Variants in SDCCAG8 observed in about 807,000 individuals in gnomAD.
SDCCAG8 encodes serologically defined colon cancer antigen 8.
In SDCCAG8, 74 loss-of-function variants were observed where a neutral mutation model predicts 101.8. The observed-to-expected ratio is 0.73, with a 90% CI of 0.60 to 0.88. SDCCAG8 has a LOEUF of 0.88. Ranked by LOEUF, SDCCAG8 falls within the 40% of genes least tolerant of loss-of-function variation. SDCCAG8 has a pLI of 0.00. For missense variants in SDCCAG8, 787 were observed against 822.6 expected (o/e 0.96, Z 0.53); for synonymous variants, 281 against 292.9 (o/e 0.96, Z 0.41).
intron 16 of SDCCAG8, among the ~76,000 whole-genome samples, chr1:243,464,148 G>A (rs746466713): frequency 3.7e-4 from 57 of 152,144 alleles, no homozygotes; most frequent in Non-Finnish European, 7.5e-4. Context: ...AGTGATTTTT[G>A]TAAATTAGAG....
intron 3 of SDCCAG8, among the ~76,000 whole-genome samples, chr1:243,271,624 C>T (rs1406091895): frequency 2.6e-5 from 4 of 151,964 alleles, no homozygotes. Context: ...CTCACTACAA[C>T]CTCTGCCTCC....
At chr1:243,317,920 AC>A (rs1321858677) in intron 9 of SDCCAG8, 1 of 393,766 alleles carries the variant, frequency 2.5e-6, no homozygotes, top group Non-Finnish European at 5.1e-6. Context: ...ACTGGTCTAA[AC>A]CATATATGAA....
chr1:243,270,223 G>A lies in SDCCAG8; in HGVS notation c.186G>A (p.Arg62=), dbSNP rs759227692. The change falls in exon 2 of 18, where the codon AGG becomes AGA. Residue 62 remains arginine, a synonymous_variant. Transcript: ENST00000366541. Reference sequence around the variant, plus strand: ...CCAGTGTGGGAAATGAGGACGCCAGGACAGCCTGGCCCGAATTACAACAGA... The same window carrying A: ...CCAGTGTGGGAAATGAGGACGCCAGAACAGCCTGGCCCGAATTACAACAGA... ...FSTSVGNEDA[R]TAWPELQQSH... The A allele has an allele frequency of 6.2e-6, 10 of 1,614,148 alleles. No individual in the cohort carries two copies. The highest frequency in any genetic ancestry group is 6.8e-6 in the Non-Finnish European group (8 of 1,180,020).
chr1:243,444,457 CA>C (rs1202250654), intron 16 of SDCCAG8, among the ~76,000 whole-genome samples: 1 of 151,558 alleles, frequency 6.6e-6, no homozygotes, highest in African/African-American at 2.4e-5. Context: ...CTGCAACCTT[CA>C]CCTCCCGGGT....
At chr1:243,314,209 G>A (rs532111503) in intron 8 of SDCCAG8, among the ~76,000 whole-genome samples, 1 of 152,346 alleles carries the variant, frequency 6.6e-6, no homozygotes, top group African/African-American at 2.4e-5. Flanking sequence ...CGTTGCATTT[G>A]CCTTACAGAA....
At chr1:243,317,772 C>T (rs1292563070) in intron 9 of SDCCAG8, among the ~76,000 whole-genome samples, 7 of 152,136 alleles carry the variant, frequency 4.6e-5, no homozygotes, top group South Asian at 4.1e-4. Context: ...GGGGCCACAC[C>T]GTAATCCGTT....
At chr1:243,326,756 A>G (rs2074178164) in intron 9 of SDCCAG8, among the ~76,000 whole-genome samples, 1 of 152,308 alleles carries the variant, frequency 6.6e-6, no homozygotes, top group Non-Finnish European at 1.5e-5. Context: ...CTTAGTTATG[A>G]ATTATTCTGT....
intron 13 of SDCCAG8, among the ~76,000 whole-genome samples, chr1:243,408,838 G>C (rs921805044): frequency 6.6e-6 from 1 of 152,204 alleles, no homozygotes; most frequent in African/African-American, 2.4e-5. Context: ...TGCATGTAAA[G>C]ACCTTAGCTT....
chr1:243,344,201 T>C lies in SDCCAG8; in HGVS notation c.1357-14T>C. 1 of 1,607,684 alleles carries C rather than the reference T, an allele frequency of 6.2e-7. No homozygotes were observed. The highest frequency in any genetic ancestry group is 8.5e-7 in the Non-Finnish European group (1 of 1,174,232). On this transcript the variant is annotated splice_polypyrimidine_tract_variant and intron_variant, in intron 11 of 17. Transcript: ENST00000366541. ...TTCCAGCAGGTAATCATCCAGTTTT[T>C]TACAATCTAACAGGTGTGTGGAGAA... is the stretch of plus-strand genomic sequence containing the variant.
At chr1:243,433,024 A>G (rs977984927) in intron 16 of SDCCAG8, among the ~76,000 whole-genome samples, 1 of 152,146 alleles carries the variant, frequency 6.6e-6, no homozygotes, top group Middle Eastern at 3.2e-3. Flanking sequence ...TGGGATACCA[A>G]GCACTGAGCA....
chr1:243,499,884 G>A lies in SDCCAG8; in HGVS notation c.*99G>A, dbSNP rs577274111. On this transcript the variant is annotated 3_prime_UTR_variant, in exon 18 of 18. Coordinates refer to ENST00000366541, the MANE Select transcript of SDCCAG8 (RefSeq NM_006642.5). The stretch of plus-strand genomic sequence containing the variant: ...CACAACGCACCACGACCTTCCCAGG[G>A]TGACACCGCCTCAGCCTGCAGTGGG... 8 of 1,161,148 alleles carry A rather than the reference G, an allele frequency of 6.9e-6. No individual in the cohort carries two copies. Among genetic ancestry groups the A allele is most frequent in the Non-Finnish European group, 1.0e-5 (8 of 786,170 alleles). 71.9% of individuals were successfully genotyped at this position (1,161,148 alleles called of 1,614,324 possible).
intron 17 of SDCCAG8, among the ~76,000 whole-genome samples, chr1:243,499,233 A>C (rs1211741340): frequency 6.6e-6 from 1 of 152,168 alleles, no homozygotes; most frequent in African/African-American, 2.4e-5. Flanking sequence ...CTTCCAACAC[A>C]TGTGAGGTTT....
intron 16 of SDCCAG8, among the ~76,000 whole-genome samples, chr1:243,476,999 T>TACACACACAC (rs531152514): frequency 4.5e-4 from 46 of 102,324 alleles, no homozygotes; most frequent in African/African-American, 1.4e-3. Context: ...ACTGGTTCTG[T>TACACACACAC]ACACACACAC....
At chr1:243,447,210 C>T (rs553897655) in intron 16 of SDCCAG8, among the ~76,000 whole-genome samples, 215 of 122,466 alleles carry the variant, frequency 1.8e-3, no homozygotes, top group Non-Finnish European at 2.8e-3. Context: ...GATCGCGCCA[C>T]GGCACTCCAG....
rs1382989150 is a variant in SDCCAG8 at position 243,458,979 on chromosome 1, T to G, written c.1986-30035T>G. On this transcript the variant is annotated intron_variant, in intron 16 of 17. Coordinates refer to ENST00000366541, the MANE Select transcript of SDCCAG8 (RefSeq NM_006642.5). This position sits in a 1 kb window ranked among gnomAD's most constrained non-coding sequence, Gnocchi z 4.5. ...ATGGAGAAAAATGTGGTGGAGATAGTAAAATATTACCAGTTTCAAATGTGT... is the reference window on the plus strand; with the variant it reads ...ATGGAGAAAAATGTGGTGGAGATAGGAAAATATTACCAGTTTCAAATGTGT... 6.6e-6 allele frequency among the ~76,000 whole-genome samples: 1 copy of G among 152,196 alleles called. No homozygotes were observed. Among genetic ancestry groups the G allele is most frequent in the Admixed American group, 6.5e-5 (1 of 15,272 alleles).
At chr1:243,299,457 A>G (rs1296874407) in intron 6 of SDCCAG8, among the ~76,000 whole-genome samples, 1 of 152,050 alleles carries the variant, frequency 6.6e-6, no homozygotes, top group Non-Finnish European at 1.5e-5. Context: ...TTTGTTGCCC[A>G]GGCTGGAGTG....
chr1:243,316,503 C>T (rs1277381614), intron 8 of SDCCAG8, among the ~76,000 whole-genome samples: 1 of 152,176 alleles, frequency 6.6e-6, no homozygotes, highest in Admixed American at 6.5e-5. Context: ...CCCCTGCAGC[C>T]CTCTCCACAA....
chr1:243,410,393 G>GTC (rs1558428874), intron 13 of SDCCAG8, among the ~76,000 whole-genome samples: 1 of 152,118 alleles, frequency 6.6e-6, no homozygotes. Flanking sequence ...TGCCCCTTCT[G>GTC]TCTGTATTCC....
chr1:243,334,230 A>T (rs2074836041), intron 10 of SDCCAG8, among the ~76,000 whole-genome samples: 1 of 152,110 alleles, frequency 6.6e-6, no homozygotes, highest in African/African-American at 2.4e-5. Flanking sequence ...CCTTGCCTCC[A>T]GTCTCACCTC....
Sources: allele counts gnomAD v4.1 joint callset (sites outside exome capture counted in the v4.1 genomes callset), GRCh38; gene constraint gnomAD v4.1.1; non-coding constraint Gnocchi (gnomAD v3.1); transcripts MANE v1.5; gene names NCBI Gene and HGNC (gene_info 2026-07-23, HGNC 2026-07-21).